The following CAPN1 variants were observed in gnomAD, a reference collection of about 807,000 sequenced individuals.
CAPN1 encodes the protein calpain-1 catalytic subunit.
A neutral mutation model predicts 105.2 loss-of-function variants in CAPN1; 77 were observed. The observed-to-expected ratio is 0.73, with a 90% CI of 0.61 to 0.88. The LOEUF (loss-of-function observed/expected upper bound fraction) is 0.88, where lower values mean the gene tolerates loss of function less well. Ranked by LOEUF, CAPN1 falls within the 40% of genes least tolerant of loss-of-function variation. The pLI is 0.00. For synonymous variants in CAPN1, 355 were observed against 388.8 expected (o/e 0.91, Z 1.02); for missense variants, 833 against 976.6 (o/e 0.85, Z 1.96).
At chr11:65,194,502 C>T (rs1255979457) in intron 10 of CAPN1, among the ~76,000 whole-genome samples, 1 of 152,168 alleles carries the variant, frequency 6.6e-6, no homozygotes, top group African/African-American at 2.4e-5. Flanking sequence ...AGTGTACCCA[C>T]AGCGTTGTGT....
rs775951097 is a variant in CAPN1, at chr11:65,206,418, G to T, written c.1354-45G>T. The T allele has an allele frequency of 1.1e-5, 17 of 1,522,996 alleles. No homozygotes were observed. In the South Asian group the frequency reaches 1.9e-4, roughly 17 times the overall value. The allele number at this position is 1,522,996 out of a possible 1,614,324, so 94.3% of individuals were successfully genotyped here. Reference sequence around the variant, plus strand: ...GTCTGGGGGTGGCCCCTGAGGGTGGGCTGAGTGGGCAGCTGCAGCCCTGCT... The same window carrying T: ...GTCTGGGGGTGGCCCCTGAGGGTGGTCTGAGTGGGCAGCTGCAGCCCTGCT... On this transcript the variant is annotated intron_variant, in intron 12 of 21. Transcript: ENST00000279247.
intron 10 of CAPN1, among the ~76,000 whole-genome samples, chr11:65,202,072 G>C (rs925169438): frequency 1.3e-5 from 2 of 151,736 alleles, no homozygotes; most frequent in Non-Finnish European, 2.9e-5. Flanking sequence ...TGATCCACCC[G>C]CCTCGGCCTC....
In CAPN1 at chr11:65,210,884, C is replaced by T; in HGVS notation, c.2118+12C>T. ...TTGACTTGTTTAAGGTGGGAACCTC[C>T]CTGGGCCCATGGTTGGGGAAGAGTT... On this transcript the variant is annotated intron_variant, in intron 21 of 21. Coordinates refer to ENST00000279247, the MANE Select transcript of CAPN1 (RefSeq NM_005186.4). The surrounding 1 kb of genome is among the most constrained non-coding windows in gnomAD (Gnocchi z 4.3). The T allele has an allele frequency of 6.2e-7, 1 of 1,607,406 alleles. No individual in the cohort carries two copies. Among genetic ancestry groups the T allele is most frequent in the South Asian group, 1.1e-5 (1 of 90,922 alleles).
intron 10 of CAPN1, among the ~76,000 whole-genome samples, chr11:65,196,516 G>A (rs1479765550): frequency 6.6e-6 from 1 of 151,960 alleles, no homozygotes; most frequent in African/African-American, 2.4e-5. Context: ...TAGCTATTTT[G>A]AAATATACAG....
chr11:65,210,908 T>G lies in CAPN1; in HGVS notation c.2118+36T>G, dbSNP rs1439408127. On this transcript the variant is annotated intron_variant, in intron 21 of 21. Transcript: ENST00000279247. The surrounding 1 kb of genome is among the most constrained non-coding windows in gnomAD (Gnocchi z 4.3). ...CCCTGGGCCCATGGTTGGGGAAGAGTTCCAGGCGATCGAATTTTCTTATCT... is the reference window on the plus strand; with the variant it reads ...CCCTGGGCCCATGGTTGGGGAAGAGGTCCAGGCGATCGAATTTTCTTATCT... 1 of 1,547,316 alleles carries G rather than the reference T, an allele frequency of 6.5e-7. No homozygotes were observed. The highest frequency in any genetic ancestry group is 8.9e-7 in the Non-Finnish European group (1 of 1,119,908).
At chr11:65,211,033 C>T in intron 21 of CAPN1, 161 bp downstream of exon 21, 1 of 768,512 alleles carries the variant, frequency 1.3e-6, no homozygotes, top group Non-Finnish European at 2.2e-6. Context: ...GTGGGGGTGT[C>T]TGGATTCTGG....
At chr11:65,205,963 T>G in intron 12 of CAPN1, 1 of 572,212 alleles carries the variant, frequency 1.7e-6, no homozygotes, top group Non-Finnish European at 3.1e-6. Context: ...CTGTCTGACA[T>G]GTACACATGA....
intron 4 of CAPN1, among the ~76,000 whole-genome samples, chr11:65,185,482 C>T (rs761118974): frequency 1.3e-5 from 2 of 152,038 alleles, no homozygotes; most frequent in Non-Finnish European, 2.9e-5. Flanking sequence ...AGCCTGGCTA[C>T]ATCAATGCAG....
rs192613511 is a variant in CAPN1, at chr11:65,211,302, C to A, written c.*16C>A. 1.8e-5 allele frequency: 29 copies of A among 1,611,614 alleles called. No individual in the cohort carries two copies. Among genetic ancestry groups the A allele is most frequent in the Non-Finnish European group, 2.4e-5 (28 of 1,179,534 alleles). Reference sequence around the variant, plus strand: ...GTTTGCATGAGGCAGGGACTCGGTCCCCCTTGCCGTGCTCCCCTCCCTCCT... The same window carrying A: ...GTTTGCATGAGGCAGGGACTCGGTCACCCTTGCCGTGCTCCCCTCCCTCCT... On this transcript the variant is annotated 3_prime_UTR_variant, in exon 22 of 22. Coordinates refer to ENST00000279247, the MANE Select transcript of CAPN1 (RefSeq NM_005186.4).
At chr11:65,190,296 C>G (rs1169349849) in intron 10 of CAPN1, among the ~76,000 whole-genome samples, 1 of 152,224 alleles carries the variant, frequency 6.6e-6, no homozygotes, top group Non-Finnish European at 1.5e-5. Context: ...TTCATCCCTA[C>G]CATGCTGCTA....
intron 10 of CAPN1, among the ~76,000 whole-genome samples, chr11:65,195,723 G>A (rs912241301): frequency 6.6e-6 from 1 of 152,070 alleles, no homozygotes; most frequent in African/African-American, 2.4e-5. Flanking sequence ...GTCTTTATCT[G>A]GCTTTAAGGT....
chr11:65,206,362 C>A, intron 12 of CAPN1, 101 bp from the exon 13 acceptor site: 1 of 895,810 alleles, frequency 1.1e-6, no homozygotes, highest in Non-Finnish European at 1.8e-6. Context: ...CTCTCCAGCC[C>A]CTTGGCCAGG....
Position 65,185,975 on chromosome 11 carries a change from A to G in CAPN1, c.515A>G (p.Asp172Gly). The change falls in exon 5 of 22, where the codon GAC (aspartate) becomes GGC (glycine). Residue 172 changes from aspartate (D) to glycine (G), a missense_variant. Coordinates refer to ENST00000279247, the MANE Select transcript of CAPN1 (RefSeq NM_005186.4). Reference sequence around the variant, plus strand: ...GTGGATGACCTGCTGCCCATCAAGGACGGGAAGCTAGTGTTCGTGCACTCT... The same window carrying G: ...GTGGATGACCTGCTGCCCATCAAGGGCGGGAAGCTAGTGTTCGTGCACTCT... ...VVVDDLLPIK[D>G]GKLVFVHSAE... The G allele has an allele frequency of 6.2e-7, 1 of 1,602,540 alleles. No homozygotes were observed.
Position 65,210,418 on chromosome 11 carries a change from C to T in CAPN1, c.2025C>T (p.Phe675=), listed in dbSNP as rs1949029965. The part of the protein sequence containing the change: ...EPDLAVDFDN[F]VCCLVRLETM... ...ACCTGGCGGTCGACTTTGACAATTT[C>T]GTTTGCTGCCTGGTGCGGCTAGAGA... The change falls in exon 20 of 22, where the codon TTC becomes TTT. Residue 675 remains phenylalanine (F), a synonymous_variant. Transcript: ENST00000279247. The surrounding 1 kb of genome is among the most constrained non-coding windows in gnomAD (Gnocchi z 4.3). 6.2e-7 allele frequency: 1 copy of T among 1,612,732 alleles called. No individual in the cohort carries two copies. The highest frequency in any genetic ancestry group is 1.3e-5 in the African/African-American group (1 of 75,020).
upstream of CAPN1, chr11:65,181,672 C>T (rs1032855515): frequency 5.9e-5 from 20 of 339,950 alleles, no homozygotes; most frequent in Admixed American, 2.4e-4. The surrounding 1 kb of genome is among the most constrained non-coding windows in gnomAD (Gnocchi z 4.6). Flanking sequence ...CGCCCCAGCC[C>T]CCCCATCCCC....
At chr11:65,191,024 T>C (rs1186138118) in intron 10 of CAPN1, among the ~76,000 whole-genome samples, 1 of 152,136 alleles carries the variant, frequency 6.6e-6, no homozygotes, top group Non-Finnish European at 1.5e-5. Context: ...TTGACCTCTG[T>C]TTTTCCAAAT....
At chr11:65,185,161 G>A (rs867500125) in intron 4 of CAPN1, among the ~76,000 whole-genome samples, 8 of 152,046 alleles carry the variant, frequency 5.3e-5, no homozygotes, top group Non-Finnish European at 8.8e-5. Flanking sequence ...AGCCTGCAGC[G>A]TGGGGTCGGG....
Position 65,211,601 on chromosome 11 carries a change from CCCCT to C in CAPN1, c.*317_*320del. 2.0e-6 allele frequency: 1 copy of C among 507,074 alleles called. No individual in the cohort carries two copies. Among genetic ancestry groups the C allele is most frequent in the Non-Finnish European group, 3.6e-6 (1 of 277,974 alleles). The allele number at this position is 507,074 out of a possible 1,614,324, so 31.4% of individuals were successfully genotyped here. A position where few individuals can be genotyped will look rare whatever the true frequency, so the allele number is the denominator to read the frequency against. On this transcript the variant is annotated 3_prime_UTR_variant, in exon 22 of 22. Transcript: ENST00000279247. ...GGGTTTCCCCAGCATCCTGATGTGT[CCCCT>C]CTCCCCACTTCAGAGGCCACCCACT...
chr11:65,207,224 G>A (rs1337448702), intron 14 of CAPN1, among the ~76,000 whole-genome samples: 2 of 129,774 alleles, frequency 1.5e-5, no homozygotes, highest in Non-Finnish European at 3.2e-5. Flanking sequence ...TTTTTTGAGA[G>A]AGTCTCACTC....
Sources: allele counts gnomAD v4.1 joint callset (sites outside exome capture counted in the v4.1 genomes callset), GRCh38; gene constraint gnomAD v4.1.1; non-coding constraint Gnocchi (gnomAD v3.1); transcripts MANE v1.5; gene names NCBI Gene and HGNC (gene_info 2026-07-23, HGNC 2026-07-21).